Variants in PRKD1 observed in about 807,000 individuals in gnomAD.
PRKD1 encodes the protein protein kinase D1.
A neutral mutation model predicts 95.9 loss-of-function variants in PRKD1; 63 were observed. The ratio of observed to expected loss-of-function variants is 0.66; its 90% CI spans 0.54 to 0.81. The LOEUF (loss-of-function observed/expected upper bound fraction) is 0.81. Among genes scored for constraint, PRKD1 ranks in the 30% least tolerant of loss-of-function variants. The probability of loss-of-function intolerance (pLI) is 0.00; values close to 1 mark genes in which losing one functional copy is unlikely to be tolerated. For missense variants in PRKD1, 1,048 were observed against 1,165.3 expected, an observed-to-expected ratio of 0.90 and a Z score of 1.47; for synonymous variants, 425 against 423.1, an observed-to-expected ratio of 1.00 and a Z score of -0.05.
At chr14:29,762,941 A>G (rs1306966571) in intron 1 of PRKD1, among the ~76,000 whole-genome samples, 1 of 151,488 alleles carries the variant, frequency 6.6e-6, no homozygotes, top group Non-Finnish European at 1.5e-5. Flanking sequence ...ATGGGGTTTC[A>G]CCATGTTGCC....
chr14:29,672,836 A>C (rs1448548583), intron 2 of PRKD1, among the ~76,000 whole-genome samples: 2 of 152,086 alleles, frequency 1.3e-5, no homozygotes, highest in Non-Finnish European at 2.9e-5. Context: ...AACCAGGCCT[A>C]TGTTCTATTA....
intron 1 of PRKD1, among the ~76,000 whole-genome samples, chr14:29,768,852 T>TA (rs1888378686): frequency 6.6e-6 from 1 of 152,096 alleles, no homozygotes; most frequent in African/African-American, 2.4e-5. Flanking sequence ...AAGCCAGTTT[T>TA]AAAAGATTTT....
At chr14:29,633,198 G>T (rs1368464442) in intron 8 of PRKD1, among the ~76,000 whole-genome samples, 8 of 152,148 alleles carry the variant, frequency 5.3e-5, no homozygotes, top group Admixed American at 1.3e-4. Flanking sequence ...CCCAGTAAGA[G>T]CCTGGCATTT....
At chr14:29,671,748 T>A (rs1882855830) in intron 2 of PRKD1, among the ~76,000 whole-genome samples, 1 of 152,186 alleles carries the variant, frequency 6.6e-6, no homozygotes, top group Admixed American at 6.5e-5. Flanking sequence ...TAAGAAAACA[T>A]CTATCTCAAT....
chr14:29,613,875 T>C (rs1878657864), intron 13 of PRKD1, among the ~76,000 whole-genome samples: 1 of 152,246 alleles, frequency 6.6e-6, no homozygotes, highest in African/African-American at 2.4e-5. Context: ...TTTTATGAGA[T>C]ATGTGAGCAC....
intron 4 of PRKD1, among the ~76,000 whole-genome samples, chr14:29,660,111 ATTC>A (rs775428342): frequency 2.0e-5 from 3 of 152,178 alleles, no homozygotes; most frequent in Non-Finnish European, 4.4e-5. Flanking sequence ...CAGGGTCAAG[ATTC>A]TTCTTTGCCA....
At chr14:29,840,952 C>T (rs914921315) in intron 1 of PRKD1, among the ~76,000 whole-genome samples, 1 of 152,196 alleles carries the variant, frequency 6.6e-6, no homozygotes. Context: ...ACCAAGACCA[C>T]AGGAACCCAC....
At position 29,927,552 on chromosome 14, in the gene PRKD1, G is replaced by C; in HGVS notation, c.-40C>G. 1 of 1,131,238 alleles carries C rather than the reference G, an allele frequency of 8.8e-7. No homozygotes were observed. The highest frequency in any genetic ancestry group is 1.1e-6 in the Non-Finnish European group (1 of 924,042). The allele number at this position is 1,131,238 out of a possible 1,614,324, so 70.1% of individuals were successfully genotyped here. On this transcript the variant is annotated 5_prime_UTR_variant, in exon 1 of 18. Coordinates refer to ENST00000331968, the MANE Select transcript of PRKD1 (RefSeq NM_002742.3). ...CAGGGCCGGGCAGCGGAGGGCGGGG[G>C]CTGGCGGCGCGGCAGCAGGAAAGTT...
intron 13 of PRKD1, among the ~76,000 whole-genome samples, chr14:29,622,561 C>A (rs1030407085): frequency 4.6e-5 from 7 of 152,042 alleles, no homozygotes; most frequent in Non-Finnish European, 5.9e-5. Context: ...TGCCACCACA[C>A]CCGGCTAATT....
chr14:29,876,358 A>C (rs1160691192), intron 1 of PRKD1, among the ~76,000 whole-genome samples: 2 of 152,194 alleles, frequency 1.3e-5, no homozygotes, highest in African/African-American at 4.8e-5. Context: ...CAAATGGAGG[A>C]GTATAAAGGA....
intron 8 of PRKD1, 73 bp downstream of exon 8, chr14:29,634,345 C>A: frequency 6.2e-7 from 1 of 1,606,780 alleles, no homozygotes; most frequent in African/African-American, 1.3e-5. Context: ...ATCTCACAGT[C>A]CTCACGGGAC....
At chr14:29,633,175 T>C (rs1228572830) in intron 8 of PRKD1, among the ~76,000 whole-genome samples, 1 of 152,148 alleles carries the variant, frequency 6.6e-6, no homozygotes, top group African/African-American at 2.4e-5. Flanking sequence ...ATAAAGAAGA[T>C]GAAGTATTAG....
intron 1 of PRKD1, among the ~76,000 whole-genome samples, chr14:29,912,125 A>G (rs998837072): frequency 1.3e-5 from 2 of 152,194 alleles, no homozygotes; most frequent in African/African-American, 4.8e-5. Flanking sequence ...TTAAGGTCTT[A>G]TGCGATTGGA....
At chr14:29,910,583 A>G (rs1269722139) in intron 1 of PRKD1, among the ~76,000 whole-genome samples, 1 of 152,200 alleles carries the variant, frequency 6.6e-6, no homozygotes, top group African/African-American at 2.4e-5. Flanking sequence ...AAAGTGTAGT[A>G]TTTCATCAAC....
chr14:29,801,501 G>T (rs1890027222), intron 1 of PRKD1, among the ~76,000 whole-genome samples: 1 of 152,130 alleles, frequency 6.6e-6, no homozygotes, highest in Non-Finnish European at 1.5e-5. Flanking sequence ...TTCAATCCCA[G>T]CTGTTTCACT....
At chr14:29,594,194 A>G in intron 16 of PRKD1, 1 of 441,912 alleles carries the variant, frequency 2.3e-6, no homozygotes, top group Non-Finnish European at 4.5e-6. Flanking sequence ...AAAATACATA[A>G]TAAAGAAATT....
chr14:29,726,138 T>C (rs45513795), intron 1 of PRKD1, among the ~76,000 whole-genome samples: 48,168 of 151,994 alleles, frequency 0.32, 9,122 homozygotes, highest in African/African-American at 0.53. Flanking sequence ...AAATAAGAGA[T>C]GCCTCAATAA....
intron 10 of PRKD1, among the ~76,000 whole-genome samples, chr14:29,629,480 G>A (rs1305615937): frequency 6.6e-6 from 1 of 151,804 alleles, no homozygotes; most frequent in African/African-American, 2.4e-5. Flanking sequence ...TTAAAATAGA[G>A]GTCTCATATA....
chr14:29,675,961 A>G (rs1450858127), intron 2 of PRKD1, among the ~76,000 whole-genome samples: 1 of 119,948 alleles, frequency 8.3e-6, no homozygotes, highest in Non-Finnish European at 1.6e-5. Flanking sequence ...GGGGAACATC[A>G]CACATCGGGG....
Sources: gnomAD v4.1 joint callset for allele counts (sites outside exome capture counted in the v4.1 genomes callset) on GRCh38, gnomAD v4.1.1 for gene constraint, MANE v1.5 for transcripts, NCBI Gene and HGNC (gene_info 2026-07-23, HGNC 2026-07-21) for gene names.